NEK11: variants seen among roughly 807,000 people sequenced by gnomAD.
NEK11 encodes the protein serine/threonine-protein kinase Nek11.
Under a neutral mutation model 80.7 loss-of-function variants are expected in NEK11, and 72 were observed. The ratio of observed to expected loss-of-function variants is 0.89; its 90% CI spans 0.74 to 1.08. NEK11 has a LOEUF of 1.08. Ranked by LOEUF, NEK11 falls within the 50% of genes least tolerant of loss-of-function variation. The pLI is 0.00. For missense variants in NEK11, 764 were observed against 763.6 expected (o/e 1.00, Z -0.01); for synonymous variants, 251 against 260.7 (o/e 0.96, Z 0.36).
intron 10 of NEK11, among the ~76,000 whole-genome samples, chr3:131,160,076 A>C (rs1467712280): frequency 6.6e-6 from 1 of 152,214 alleles, no homozygotes; most frequent in East Asian, 1.9e-4. Flanking sequence ...AAATGCAGAG[A>C]GCCTCAGTAA....
chr3:131,122,567 G>T (rs1308949138), intron 5 of NEK11, among the ~76,000 whole-genome samples: 1 of 152,254 alleles, frequency 6.6e-6, no homozygotes, highest in Non-Finnish European at 1.5e-5. Flanking sequence ...CCTGGGTTGT[G>T]CATCACAAAG....
Position 131,272,463 on chromosome 3 carries a change from C to CTTTTTTTTTTTTTTT in NEK11, c.1622-999_1622-985dup, listed in dbSNP as rs869304359. Among the ~76,000 whole-genome samples the CTTTTTTTTTTTTTTT allele has an allele frequency of 3.3e-3, 145 of 43,900 alleles. 25 individuals are homozygous for CTTTTTTTTTTTTTTT. The highest frequency in any genetic ancestry group is 0.012 in the East Asian group (13 of 1,068). The allele number at this position is 43,900 out of a possible 152,430, so 28.8% of individuals were successfully genotyped here. ...CTTGCTAATGGGCCAGTTTTAGCTT[C>CTTTTTTTTTTTTTTT]TTTTTTTTTTTTTTTTTTTTTTTTT... On this transcript the variant is annotated intron_variant, in intron 16 of 17. Coordinates refer to ENST00000383366, the MANE Select transcript of NEK11 (RefSeq NM_024800.5).
Position 131,119,376 on chromosome 3 carries a change from G to T in NEK11, c.455+9455G>T, listed in dbSNP as rs1189105353. On this transcript the variant is annotated intron_variant, in intron 5 of 17. Coordinates refer to ENST00000383366, the MANE Select transcript of NEK11 (RefSeq NM_024800.5). Reference sequence around the variant, plus strand: ...CTGTTCTTTTACGTTTGCTGAGGAGGGCTTTACTTCCAACTATGTGGTCAA... The same window carrying T: ...CTGTTCTTTTACGTTTGCTGAGGAGTGCTTTACTTCCAACTATGTGGTCAA... Among the ~76,000 whole-genome samples the T allele has an allele frequency of 3.3e-5, 5 of 151,972 alleles. No homozygotes were observed. In the South Asian group the frequency reaches 6.2e-4, roughly 19 times the overall value.
At chr3:131,125,499 G>C (rs2083162821) in intron 5 of NEK11, among the ~76,000 whole-genome samples, 1 of 151,898 alleles carries the variant, frequency 6.6e-6, no homozygotes, top group Non-Finnish European at 1.5e-5. Context: ...TGTCTTTATT[G>C]GTAATTATTT....
chr3:131,184,762 G>A, intron 14 of NEK11: 2 of 1,193,710 alleles, frequency 1.7e-6, no homozygotes, highest in Non-Finnish European at 1.1e-6. Context: ...AGGAATTTCT[G>A]AAATAAGGAA....
intron 3 of NEK11, among the ~76,000 whole-genome samples, chr3:131,058,070 G>T (rs1197208611): frequency 1.3e-5 from 2 of 151,630 alleles, no homozygotes; most frequent in East Asian, 1.9e-4. Flanking sequence ...TTTGTATAAG[G>T]TGTAAGGAAG....
chr3:131,143,819 C>T (rs2087519869), intron 7 of NEK11, among the ~76,000 whole-genome samples: 1 of 152,066 alleles, frequency 6.6e-6, no homozygotes, highest in South Asian at 2.1e-4. Context: ...ATACTCAATT[C>T]TACCTAAGTA....
intron 4 of NEK11, among the ~76,000 whole-genome samples, chr3:131,096,610 T>C (rs2077469333): frequency 6.6e-6 from 1 of 152,178 alleles, no homozygotes; most frequent in South Asian, 2.1e-4. Flanking sequence ...CTAAACTGCT[T>C]TCCACAGTGG....
At chr3:131,277,951 T>A (rs1462699305) in intron 17 of NEK11, among the ~76,000 whole-genome samples, 1 of 152,216 alleles carries the variant, frequency 6.6e-6, no homozygotes, top group Non-Finnish European at 1.5e-5. Flanking sequence ...CAACTTAGAC[T>A]CTCAATATAT....
chr3:131,242,628 G>C (rs781674281), intron 15 of NEK11, among the ~76,000 whole-genome samples: 14 of 152,156 alleles, frequency 9.2e-5, no homozygotes, highest in Non-Finnish European at 1.8e-4. Flanking sequence ...ATGTTGGCCA[G>C]TCTGGTCTTG....
chr3:131,075,944 G>A (rs2074275576), intron 3 of NEK11, among the ~76,000 whole-genome samples: 1 of 152,164 alleles, frequency 6.6e-6, no homozygotes, highest in Non-Finnish European at 1.5e-5. Context: ...AAGTGACCTA[G>A]TGCCCTTGAG....
intron 14 of NEK11, among the ~76,000 whole-genome samples, chr3:131,200,045 T>C (rs1458051392): frequency 2.0e-5 from 3 of 152,140 alleles, no homozygotes; most frequent in African/African-American, 4.8e-5. Context: ...CAGAAATCTA[T>C]AGCTTGATAT....
At chr3:131,149,438 C>T (rs902849693) in intron 7 of NEK11, among the ~76,000 whole-genome samples, 8 of 152,032 alleles carry the variant, frequency 5.3e-5, no homozygotes, top group African/African-American at 1.9e-4. Context: ...CATATGCATG[C>T]ATGTGTCTTT....
chr3:131,107,554 G>A (rs140045557), intron 4 of NEK11, among the ~76,000 whole-genome samples: 10 of 152,088 alleles, frequency 6.6e-5, no homozygotes, highest in Admixed American at 2.0e-4. Context: ...ATGTTTTATC[G>A]TGTTCAGAGA....
At chr3:131,243,341 T>G in intron 15 of NEK11, 95 bp from the exon 16 acceptor site, 1 of 1,160,142 alleles carries the variant, frequency 8.6e-7, no homozygotes, top group Non-Finnish European at 1.2e-6. Context: ...AACCAGATTT[T>G]TTTTTCGCCT....
intron 3 of NEK11, among the ~76,000 whole-genome samples, chr3:131,035,061 A>G (rs2065443964): frequency 6.6e-6 from 1 of 152,206 alleles, no homozygotes; most frequent in Admixed American, 6.5e-5. Context: ...TTATCTCTAC[A>G]GAAGGCATTT....
At chr3:131,076,660 G>A (rs1410096479) in intron 3 of NEK11, among the ~76,000 whole-genome samples, 2 of 152,216 alleles carry the variant, frequency 1.3e-5, no homozygotes, top group Non-Finnish European at 2.9e-5. Context: ...TAGGCTAAGT[G>A]GGTACAGTAG....
intron 17 of NEK11, among the ~76,000 whole-genome samples, chr3:131,299,938 T>C (rs2096642938): frequency 1.3e-5 from 2 of 152,222 alleles, no homozygotes; most frequent in Admixed American, 1.3e-4. Context: ...TTTTAAGTTA[T>C]TTGAGAAATT....
chr3:131,056,228 G>C (rs1215247592), intron 3 of NEK11, among the ~76,000 whole-genome samples: 2 of 152,196 alleles, frequency 1.3e-5, no homozygotes, highest in African/African-American at 4.8e-5. Context: ...ATTTCACACT[G>C]GAATGAATGG....
Sources: gnomAD v4.1 joint callset for allele counts (sites outside exome capture counted in the v4.1 genomes callset) on GRCh38, gnomAD v4.1.1 for gene constraint, MANE v1.5 for transcripts, NCBI Gene and HGNC (gene_info 2026-07-23, HGNC 2026-07-21) for gene names.